SGCD: variants seen among roughly 807,000 people sequenced by gnomAD.
SGCD encodes sarcoglycan delta.
Under a neutral mutation model 36.6 loss-of-function variants are expected in SGCD, and 18 were observed. The observed-to-expected ratio is 0.49, with a 90% confidence interval of 0.34 to 0.73. The LOEUF is 0.73. SGCD is among the 30% of genes least tolerant of loss of function. The pLI, the probability that SGCD is intolerant of heterozygous loss-of-function variation, is 0.01. For synonymous variants in SGCD, 133 were observed against 130.6 expected (o/e 1.02, Z -0.12); for missense variants, 387 against 346.7 (o/e 1.12, Z -0.92).
intron 3 of SGCD, among the ~76,000 whole-genome samples, chr5:156,371,086 A>C (rs1770363526): frequency 6.6e-6 from 1 of 152,144 alleles, no homozygotes. Flanking sequence ...CCTTATTTAG[A>C]AAACTTGCAA....
chr5:156,682,726 T>C (rs758220511), intron 7 of SGCD, among the ~76,000 whole-genome samples: 38 of 152,342 alleles, frequency 2.5e-4, no homozygotes, highest in Admixed American at 4.6e-4. Context: ...CAGCAGGGGC[T>C]GGGTTCTTCA....
chr5:156,626,636 C>T (rs1762451318), intron 6 of SGCD, among the ~76,000 whole-genome samples: 1 of 152,154 alleles, frequency 6.6e-6, no homozygotes, highest in African/African-American at 2.4e-5. Context: ...GATGGATATT[C>T]AGTTTCCTTA....
At chr5:155,929,872 G>A (rs1028892666) in intron 1 of SGCD, among the ~76,000 whole-genome samples, 6 of 151,966 alleles carry the variant, frequency 3.9e-5, no homozygotes, top group Non-Finnish European at 8.8e-5. Flanking sequence ...TATTCACTTT[G>A]CACTTTCTAC....
intron 6 of SGCD, among the ~76,000 whole-genome samples, chr5:156,631,180 G>C (rs147357059): frequency 1.3e-3 from 194 of 152,192 alleles, no homozygotes; most frequent in African/African-American, 4.6e-3. Context: ...ACATTTTTCA[G>C]GACAACTTGG....
At chr5:156,626,859 C>A (rs1762458582) in intron 6 of SGCD, among the ~76,000 whole-genome samples, 1 of 152,116 alleles carries the variant, frequency 6.6e-6, no homozygotes, top group Non-Finnish European at 1.5e-5. Flanking sequence ...CTTCTTGGGG[C>A]AAAGGATAAG....
At chr5:156,557,371 C>G (rs1170894020) in intron 4 of SGCD, among the ~76,000 whole-genome samples, 2 of 152,122 alleles carry the variant, frequency 1.3e-5, no homozygotes, top group East Asian at 1.9e-4. Context: ...TGTACAACAA[C>G]AAGTATTGCT....
At chr5:156,657,421 G>A (rs1292405862) in intron 7 of SGCD, among the ~76,000 whole-genome samples, 7 of 108,514 alleles carry the variant, frequency 6.5e-5, no homozygotes, top group South Asian at 3.0e-4. Flanking sequence ...AGTAGTCCCC[G>A]GAGTGTGATG....
chr5:156,292,870 A>C (rs1050438591), intron 3 of SGCD, among the ~76,000 whole-genome samples: 1 of 151,968 alleles, frequency 6.6e-6, no homozygotes, highest in African/African-American at 2.4e-5. Context: ...GCATCTTTTC[A>C]TATGCTTATT....
intron 7 of SGCD, among the ~76,000 whole-genome samples, chr5:156,673,713 G>T (rs879534066): frequency 2.6e-5 from 4 of 152,162 alleles, no homozygotes; most frequent in Non-Finnish European, 4.4e-5. Flanking sequence ...TAAATTCAGG[G>T]TCTTAAAAAT....
intron 4 of SGCD, among the ~76,000 whole-genome samples, chr5:156,586,062 T>G (rs1256268855): frequency 7.5e-6 from 1 of 133,756 alleles, no homozygotes; most frequent in Admixed American, 7.1e-5. Context: ...ATTACTTTGG[T>G]GTTTTTTTTT....
At chr5:156,749,464 A>C (rs1385589794) in intron 7 of SGCD, among the ~76,000 whole-genome samples, 5 of 152,178 alleles carry the variant, frequency 3.3e-5, no homozygotes, top group African/African-American at 9.7e-5. Context: ...CAAACCCAAA[A>C]GTTAGCTCCT....
the SGCD span, among the ~76,000 whole-genome samples, chr5:155,844,829 A>G: frequency 5.9e-5 from 9 of 152,208 alleles, no homozygotes; most frequent in Non-Finnish European, 1.0e-4. Context: ...AATGCATGCC[A>G]TATAATGACT....
chr5:156,548,966 C>G (rs1031604317), intron 4 of SGCD, among the ~76,000 whole-genome samples: 1 of 152,032 alleles, frequency 6.6e-6, no homozygotes, highest in Non-Finnish European at 1.5e-5. Context: ...CAGCCTTGAG[C>G]TCCTTAAGGT....
intron 3 of SGCD, among the ~76,000 whole-genome samples, chr5:156,493,189 A>AT (rs1756024421): frequency 6.6e-6 from 1 of 152,178 alleles, no homozygotes; most frequent in African/African-American, 2.4e-5. Context: ...ATATTTATAC[A>AT]TTGGAGAATG....
chr5:156,015,990 T>A (rs1242941090), intron 1 of SGCD, among the ~76,000 whole-genome samples: 1 of 151,940 alleles, frequency 6.6e-6, no homozygotes, highest in African/African-American at 2.4e-5. Flanking sequence ...CATAAATCAC[T>A]GATGTCTTAA....
At chr5:156,078,622 ATATATACACACACATATT>A (rs1034304675) in intron 1 of SGCD, among the ~76,000 whole-genome samples, 1 of 144,742 alleles carries the variant, frequency 6.9e-6, no homozygotes, top group Non-Finnish European at 1.5e-5. Flanking sequence ...TACACACAGT[ATATATACACACACATATT>A]TATATACACA....
intron 1 of SGCD, among the ~76,000 whole-genome samples, chr5:155,940,008 A>G (rs1016588555): frequency 1.3e-5 from 2 of 151,782 alleles, no homozygotes; most frequent in Admixed American, 1.3e-4. Flanking sequence ...TAATTTTTGT[A>G]TTTTTGTAGA....
upstream of SGCD, among the ~76,000 whole-genome samples, chr5:155,869,793 G>A (rs1755596652): frequency 6.6e-6 from 1 of 152,146 alleles, no homozygotes; most frequent in Non-Finnish European, 1.5e-5. Context: ...GAGGTCAAGA[G>A]ATCGAGACCA....
chr5:155,771,744 G>T, the SGCD span, among the ~76,000 whole-genome samples: 1 of 151,808 alleles, frequency 6.6e-6, no homozygotes, highest in East Asian at 1.9e-4. Flanking sequence ...TACAGATGGG[G>T]TCTCCCTATG....
Sources: gnomAD v4.1 joint callset for allele counts (sites outside exome capture counted in the v4.1 genomes callset) on GRCh38, gnomAD v4.1.1 for gene constraint, MANE v1.5 for transcripts, NCBI Gene and HGNC (gene_info 2026-07-23, HGNC 2026-07-21) for gene names.